The following VPS13D variants were observed in gnomAD, a reference collection of about 807,000 sequenced individuals.
VPS13D encodes the protein intermembrane lipid transfer protein VPS13D.
In VPS13D, 187 loss-of-function variants were observed where a neutral mutation model predicts 461.9. The ratio of observed to expected loss-of-function variants is 0.40; its 90% CI spans 0.36 to 0.46. The LOEUF (loss-of-function observed/expected upper bound fraction) is 0.46, where lower values mean the gene tolerates loss of function less well. Ranked by LOEUF, VPS13D falls within the 20% of genes least tolerant of loss-of-function variation. The pLI, the probability that VPS13D is intolerant of heterozygous loss-of-function variation, is 0.60. For missense variants in VPS13D, 4,711 were observed against 5,364.9 expected, an observed-to-expected ratio of 0.88 and a Z score of 3.81; for synonymous variants, 1,951 against 1,986.3, an observed-to-expected ratio of 0.98 and a Z score of 0.47.
chr1:12,385,480 AAT>A, intron 59 of VPS13D, 107 bp downstream of exon 59: 1 of 859,620 alleles, frequency 1.2e-6, no homozygotes, highest in Non-Finnish European at 1.8e-6. Context: ...TATGATTCTA[AAT>A]ATGAGTTACG....
At chr1:12,285,287 T>G (rs1182003306) in intron 21 of VPS13D, among the ~76,000 whole-genome samples, 1 of 149,244 alleles carries the variant, frequency 6.7e-6, no homozygotes, top group Non-Finnish European at 1.5e-5. Flanking sequence ...TTTATTTATT[T>G]ATTTATTTAT....
chr1:12,260,261 G>A (rs935164813), intron 10 of VPS13D, among the ~76,000 whole-genome samples: 2 of 151,946 alleles, frequency 1.3e-5, no homozygotes, highest in Non-Finnish European at 1.5e-5. Flanking sequence ...TCCTGACCTC[G>A]TGATCCGCCC....
intron 65 of VPS13D, among the ~76,000 whole-genome samples, chr1:12,445,566 T>C (rs1218968269): frequency 6.6e-6 from 1 of 152,198 alleles, no homozygotes; most frequent in Admixed American, 6.5e-5. Context: ...AAGGTTGGAA[T>C]GACGACTGAA....
At chr1:12,406,165 C>G (rs763169543) in intron 63 of VPS13D, among the ~76,000 whole-genome samples, 3 of 151,996 alleles carry the variant, frequency 2.0e-5, no homozygotes, top group Non-Finnish European at 1.5e-5. Context: ...CAGCAGGGTG[C>G]GGGGAATTGG....
chr1:12,312,640 GTCC>G lies in VPS13D; in HGVS notation c.6935+716_6935+718del, dbSNP rs1489753900. On this transcript the variant is annotated intron_variant, in intron 29 of 69. Transcript: ENST00000620676. ...CTGCGCATGGTGGTGCATGCCTGTA[GTCC>G]CAGCTACTCAAGGCGTTAAGGTGAG... 5.3e-5 allele frequency among the ~76,000 whole-genome samples: 8 copies of G among 152,268 alleles called. No homozygotes were observed. In the East Asian group the frequency reaches 1.5e-3, roughly 29 times the overall value.
In VPS13D at chr1:12,416,714, C is replaced by T; in HGVS notation, c.12220C>T (p.Pro4074Ser). ...ILGSVDFLGN[P>S]MGLLNDVSEG... ...GGGATCAGTGGATTTTCTTGGCAAT[C>T]CTATGGGGCTTTTGAATGATGTTTC... The change falls in exon 65 of 70, where the codon CCT becomes TCT. Residue 4074 changes from proline to serine, a missense_variant. Pro to Ser is a moderately conservative substitution (Grantham distance 74). Coordinates refer to ENST00000620676, the MANE Select transcript of VPS13D (RefSeq NM_015378.4). The T allele has an allele frequency of 6.2e-7, 1 of 1,614,004 alleles. No individual in the cohort carries two copies. The highest frequency in any genetic ancestry group is 8.5e-7 in the Non-Finnish European group (1 of 1,179,978).
At chr1:12,265,766 AC>A (rs1641248668) in intron 13 of VPS13D, among the ~76,000 whole-genome samples, 1 of 152,240 alleles carries the variant, frequency 6.6e-6, no homozygotes, top group African/African-American at 2.4e-5. Flanking sequence ...TCATGATCAA[AC>A]TTGAATGGAT....
chr1:12,413,615 G>A (rs1421221583), intron 63 of VPS13D, among the ~76,000 whole-genome samples: 1 of 152,086 alleles, frequency 6.6e-6, no homozygotes, highest in Non-Finnish European at 1.5e-5. Flanking sequence ...GAGACTACAG[G>A]CGCACGCCAC....
rs2100536158 is a variant in VPS13D, at chr1:12,495,542, T to A, written c.12663-1958T>A. ...AAGGAAAGAGAACAAATTATGAGAC[T>A]ACTGTAATAATATATTACAAATCCA... On this transcript the variant is annotated intron_variant, in intron 67 of 69. Coordinates refer to ENST00000620676, the MANE Select transcript of VPS13D (RefSeq NM_015378.4). The surrounding 1 kb of genome is among the most constrained non-coding windows in gnomAD (Gnocchi z 4.0). Among the ~76,000 whole-genome samples the A allele has an allele frequency of 6.6e-6, 1 of 152,302 alleles. No individual in the cohort carries two copies. The highest frequency in any genetic ancestry group is 1.9e-4 in the East Asian group (1 of 5,176).
At chr1:12,383,926 A>T (rs547882458) in intron 58 of VPS13D, among the ~76,000 whole-genome samples, 2 of 152,236 alleles carry the variant, frequency 1.3e-5, no homozygotes, top group Non-Finnish European at 2.9e-5. Flanking sequence ...TGGCACACAG[A>T]ATGTGGTAAG....
chr1:12,358,207 T>C (rs1643903795), intron 49 of VPS13D, among the ~76,000 whole-genome samples: 1 of 152,200 alleles, frequency 6.6e-6, no homozygotes, highest in Non-Finnish European at 1.5e-5. Context: ...AATCCTAATG[T>C]TTTCTCCTAA....
At position 12,507,205 on chromosome 1, in the gene VPS13D, C is replaced by T. The variant is rs1557485125; in HGVS notation, c.13035+112C>T. 1.9e-6 allele frequency: 3 copies of T among 1,586,540 alleles called. No individual in the cohort carries two copies. Among genetic ancestry groups the T allele is most frequent in the Non-Finnish European group, 1.7e-6 (2 of 1,162,058 alleles). ...TCATTTAGGAGGTTGAGGCTGGGCC[C>T]TTCCCAGGAGTGCTGCCTCTCAGTC... On this transcript the variant is annotated intron_variant, in intron 69 of 69. Coordinates refer to ENST00000620676, the MANE Select transcript of VPS13D (RefSeq NM_015378.4). This position sits in a 1 kb window ranked among gnomAD's most constrained non-coding sequence, Gnocchi z 5.3.
At chr1:12,305,794 G>A (rs940824426) in intron 26 of VPS13D, among the ~76,000 whole-genome samples, 2 of 152,112 alleles carry the variant, frequency 1.3e-5, no homozygotes, top group Non-Finnish European at 2.9e-5. Flanking sequence ...GCTCTCTCTG[G>A]TACCTTATAG....
intron 17 of VPS13D, among the ~76,000 whole-genome samples, chr1:12,271,946 C>T (rs1351595934): frequency 6.6e-6 from 1 of 151,952 alleles, no homozygotes; most frequent in African/African-American, 2.4e-5. Context: ...AATCCTGGCA[C>T]TGGGGGAAGC....
At chr1:12,282,078 G>A (rs1293725420) in intron 20 of VPS13D, among the ~76,000 whole-genome samples, 1 of 152,042 alleles carries the variant, frequency 6.6e-6, no homozygotes, top group African/African-American at 2.4e-5. Context: ...GTAGAGACAA[G>A]AGTTTCACCA....
intron 52 of VPS13D, among the ~76,000 whole-genome samples, chr1:12,364,230 C>G (rs550706073): frequency 1.3e-5 from 2 of 152,224 alleles, no homozygotes; most frequent in East Asian, 3.9e-4. Context: ...TTCCCATTCC[C>G]CTTAGTCCCT....
Position 12,293,533 on chromosome 1 carries a change from G to T in VPS13D, c.5862G>T (p.Arg1954=), listed in dbSNP as rs572385961. ...TTATCCTAATTTTTAGATACGGACG[G>T]CCTGACCCTCTGCTCCGGAGAGAAC... The part of the protein sequence containing the change: ...ALIFQTFKYG[R]PDPLLRREHD... The change falls in exon 24 of 70, where the codon CGG becomes CGT. Residue 1954 remains arginine, a synonymous_variant. Coordinates refer to ENST00000620676, the MANE Select transcript of VPS13D (RefSeq NM_015378.4). 6.2e-7 allele frequency: 1 copy of T among 1,607,076 alleles called. No homozygotes were observed. The highest frequency in any genetic ancestry group is 1.1e-5 in the South Asian group (1 of 90,312).
At chr1:12,268,921 A>C (rs1425421518) in intron 16 of VPS13D, 45 bp downstream of exon 16, 1 of 1,579,884 alleles carries the variant, frequency 6.3e-7, no homozygotes, top group East Asian at 2.2e-5. Flanking sequence ...TTTGAAAAAC[A>C]TCTTTATTGT....
At chr1:12,332,386 C>T (rs1389731996) in intron 37 of VPS13D, among the ~76,000 whole-genome samples, 5 of 152,278 alleles carry the variant, frequency 3.3e-5, no homozygotes, top group East Asian at 1.9e-4. Flanking sequence ...CAATGTACCA[C>T]GGTGACCTGC....
Sources: gnomAD v4.1 joint callset for allele counts (sites outside exome capture counted in the v4.1 genomes callset) on GRCh38, gnomAD v4.1.1 for gene constraint, Gnocchi (gnomAD v3.1) non-coding constraint, MANE v1.5 for transcripts, NCBI Gene and HGNC (gene_info 2026-07-23, HGNC 2026-07-21) for gene names.